Variants in STIM2 observed in about 807,000 individuals in gnomAD.
The protein encoded by STIM2 is stromal interaction molecule 2.
STIM2 carries 31 observed loss-of-function variants against 85.8 expected under a neutral mutation model. That is an observed-to-expected ratio of 0.36 (90% CI 0.27 to 0.49). The LOEUF (loss-of-function observed/expected upper bound fraction) is 0.49. Among genes scored for constraint, STIM2 ranks in the 20% least tolerant of loss-of-function variants. The pLI is 0.98. For missense variants in STIM2, 841 were observed against 927.6 expected (o/e 0.91, Z 1.21); for synonymous variants, 356 against 331.1 (o/e 1.08, Z -0.82).
chr4:26,929,343 C>G (rs1725114259), intron 2 of STIM2, among the ~76,000 whole-genome samples: 1 of 151,946 alleles, frequency 6.6e-6, no homozygotes, highest in Admixed American at 6.6e-5. Flanking sequence ...TACTATAGTC[C>G]TTCAGTTCAA....
chr4:26,969,508 C>G (rs1488634943), intron 3 of STIM2, among the ~76,000 whole-genome samples: 2 of 152,180 alleles, frequency 1.3e-5, no homozygotes, highest in African/African-American at 2.4e-5. Context: ...TTTCTGTGTG[C>G]TAGCTACATT....
At chr4:26,897,143 A>G (rs909519584) in intron 1 of STIM2, among the ~76,000 whole-genome samples, 10 of 152,364 alleles carry the variant, frequency 6.6e-5, no homozygotes, top group African/African-American at 2.2e-4. Context: ...CCTATTTACA[A>G]ATAAAATGCT....
At chr4:26,862,481 C>G (rs1239797113) in intron 1 of STIM2, among the ~76,000 whole-genome samples, 1 of 152,184 alleles carries the variant, frequency 6.6e-6, no homozygotes, top group Non-Finnish European at 1.5e-5. Flanking sequence ...AACAGCTTCT[C>G]TGACAAGTGC....
At chr4:26,945,192 C>G (rs1435640308) in intron 2 of STIM2, among the ~76,000 whole-genome samples, 1 of 152,100 alleles carries the variant, frequency 6.6e-6, no homozygotes, top group Non-Finnish European at 1.5e-5. Flanking sequence ...TGAGAACATG[C>G]AGTATTTGGT....
chr4:26,948,298 A>C (rs762599296), intron 2 of STIM2, among the ~76,000 whole-genome samples: 3 of 152,146 alleles, frequency 2.0e-5, no homozygotes, highest in African/African-American at 7.2e-5. Context: ...AGTGGGATTC[A>C]TATTGGTTCT....
chr4:26,949,766 G>A (rs1284391840), intron 2 of STIM2, among the ~76,000 whole-genome samples: 2 of 151,876 alleles, frequency 1.3e-5, no homozygotes, highest in African/African-American at 4.8e-5. Flanking sequence ...TTTCCTCCTT[G>A]GCTCCTCCTC....
At chr4:26,904,956 A>G (rs2109055008) in intron 1 of STIM2, among the ~76,000 whole-genome samples, 1 of 152,186 alleles carries the variant, frequency 6.6e-6, no homozygotes, top group Middle Eastern at 3.4e-3. Context: ...CAGTGGGCAG[A>G]GATACAGTTT....
intron 3 of STIM2, among the ~76,000 whole-genome samples, chr4:26,975,984 C>T (rs563197832): frequency 1.2e-4 from 18 of 152,348 alleles, no homozygotes; most frequent in Non-Finnish European, 2.4e-4. Context: ...GCCAGGCTGC[C>T]ACCTTACAGT....
intron 1 of STIM2, among the ~76,000 whole-genome samples, chr4:26,918,228 CTTTTTT>C (rs367780616): frequency 7.7e-6 from 1 of 130,546 alleles, no homozygotes; most frequent in Non-Finnish European, 1.7e-5. Flanking sequence ...ATCAGTTTGA[CTTTTTT>C]TTTTTTTTTT....
At chr4:26,934,976 A>G (rs913746621) in intron 2 of STIM2, among the ~76,000 whole-genome samples, 2 of 152,074 alleles carry the variant, frequency 1.3e-5, no homozygotes, top group African/African-American at 4.8e-5. Context: ...AGGGAAAAAA[A>G]GCAGAGAATG....
At chr4:26,950,638 C>T (rs556952148) in intron 2 of STIM2, among the ~76,000 whole-genome samples, 1 of 152,320 alleles carries the variant, frequency 6.6e-6, no homozygotes, top group East Asian at 1.9e-4. Context: ...TTGATTTGGA[C>T]TTCCCAGCCT....
intron 2 of STIM2, among the ~76,000 whole-genome samples, chr4:26,944,753 T>C (rs1725749996): frequency 6.6e-6 from 1 of 152,234 alleles, no homozygotes; most frequent in African/African-American, 2.4e-5. Flanking sequence ...AATATCTGTT[T>C]TTCTCGTCAA....
At chr4:26,903,646 A>G (rs533058827) in intron 1 of STIM2, among the ~76,000 whole-genome samples, 45 of 152,324 alleles carry the variant, frequency 3.0e-4, no homozygotes, top group African/African-American at 1.1e-3. Context: ...AGCTGTCTTC[A>G]TAATACTAAA....
rs1162507519 is a variant in STIM2 at position 26,861,290 on chromosome 4, G to A, written c.72G>A (p.Gly24=). 3 of 1,452,310 alleles carry A rather than the reference G, an allele frequency of 2.1e-6. No homozygotes were observed. Among genetic ancestry groups the A allele is most frequent in the Non-Finnish European group, 2.7e-6 (3 of 1,106,406 alleles). 90.0% of individuals were successfully genotyped at this position (1,452,310 alleles called of 1,614,324 possible). A position where few individuals can be genotyped will look rare whatever the true frequency, so the allele number is the denominator to read the frequency against. Residue 24 remains glycine (G), a synonymous_variant, in exon 1 of 12, where the codon GGG becomes GGA. Transcript: ENST00000467087. ...AGCTTGTGCCCCGGCACCTCCGCGG[G>A]CGGCGGGCGACTGGCTCTGCCGCAA...
intron 3 of STIM2, among the ~76,000 whole-genome samples, chr4:26,970,068 T>C (rs1726876265): frequency 6.6e-6 from 1 of 151,228 alleles, no homozygotes; most frequent in Admixed American, 6.6e-5. Context: ...ATAAAAAAAA[T>C]GAGAAGGCTA....
chr4:26,896,506 A>G lies in STIM2; in HGVS notation c.152-22998A>G, dbSNP rs55835138. Among the ~76,000 whole-genome samples, 589 of 152,362 alleles carry G rather than the reference A, an allele frequency of 3.9e-3. 6 individuals are homozygous for G. Among genetic ancestry groups the G allele is most frequent in the African/African-American group, 0.013 (554 of 41,586 alleles). On this transcript the variant is annotated intron_variant, in intron 1 of 11. Coordinates refer to ENST00000467087, the MANE Select transcript of STIM2 (RefSeq NM_020860.4). ...ATACATGAAAATTTCGTATCTTCATATGAGATGATGCCTTGACTCTTCTTG... is the reference window on the plus strand; with the variant it reads ...ATACATGAAAATTTCGTATCTTCATGTGAGATGATGCCTTGACTCTTCTTG...
At chr4:26,871,958 T>A (rs1439228137) in intron 1 of STIM2, among the ~76,000 whole-genome samples, 1 of 152,194 alleles carries the variant, frequency 6.6e-6, no homozygotes, top group Non-Finnish European at 1.5e-5. Flanking sequence ...GATGATTTAG[T>A]CTGTTAGTGC....
intron 11 of STIM2, chr4:27,021,467 A>AG (rs1195346645): frequency 6.6e-6 from 3 of 456,724 alleles, no homozygotes; most frequent in Admixed American, 4.7e-5. Flanking sequence ...CAGGGCCCTG[A>AG]GGGGTCTCGA....
chr4:26,871,179 C>T (rs904958915), intron 1 of STIM2, among the ~76,000 whole-genome samples: 6 of 152,140 alleles, frequency 3.9e-5, no homozygotes, highest in African/African-American at 1.4e-4. Context: ...TTGTATGTTT[C>T]ATCCAATTTA....
Sources: gnomAD v4.1 joint callset for allele counts (sites outside exome capture counted in the v4.1 genomes callset) on GRCh38, gnomAD v4.1.1 for gene constraint, MANE v1.5 for transcripts, NCBI Gene and HGNC (gene_info 2026-07-23, HGNC 2026-07-21) for gene names.